The following GRID1 variants were observed in gnomAD, a reference collection of about 807,000 sequenced individuals.
GRID1 encodes glutamate ionotropic receptor delta type subunit 1.
Under a neutral mutation model 98.0 loss-of-function variants are expected in GRID1, and 28 were observed. The ratio of observed to expected loss-of-function variants is 0.29; its 90% confidence interval spans 0.21 to 0.39. The LOEUF (loss-of-function observed/expected upper bound fraction) is 0.39, where lower values mean the gene tolerates loss of function less well. GRID1 is among the 10% of genes least tolerant of loss of function. The pLI is 1.00. For synonymous variants in GRID1, 553 were observed against 538.5 expected (o/e 1.03, Z -0.37); for missense variants, 1,111 against 1,340.5 (o/e 0.83, Z 2.67).
At chr10:85,935,119 C>G (rs7924131) in intron 4 of GRID1, among the ~76,000 whole-genome samples, 63,009 of 152,032 alleles carry the variant, frequency 0.41, 13,163 homozygotes, top group South Asian at 0.45. Context: ...TCCCTGAATC[C>G]TTACAGTAGC....
chr10:86,187,158 CTT>C (rs1240472303), intron 3 of GRID1, among the ~76,000 whole-genome samples: 1 of 152,188 alleles, frequency 6.6e-6, no homozygotes, highest in East Asian at 1.9e-4. Flanking sequence ...GCTCAGACCT[CTT>C]TTGCCACTTG....
chr10:85,849,672 C>A (rs1843039768), intron 8 of GRID1, among the ~76,000 whole-genome samples: 1 of 152,144 alleles, frequency 6.6e-6, no homozygotes, highest in African/African-American at 2.4e-5. Context: ...AGCCCCCTCA[C>A]TCCCAGGAAA....
intron 5 of GRID1, among the ~76,000 whole-genome samples, chr10:85,905,896 A>G (rs1485096102): frequency 1.3e-5 from 2 of 152,150 alleles, no homozygotes; most frequent in Non-Finnish European, 2.9e-5. Context: ...CCTTGAACCT[A>G]ACAATATTGA....
intron 4 of GRID1, among the ~76,000 whole-genome samples, chr10:85,974,297 G>C (rs963026757): frequency 6.6e-6 from 1 of 151,986 alleles, no homozygotes; most frequent in Non-Finnish European, 1.5e-5. Flanking sequence ...GTTTTGTTTT[G>C]TTTTGTTTTG....
At chr10:85,860,655 G>C (rs950337009) in intron 6 of GRID1, among the ~76,000 whole-genome samples, 5 of 152,194 alleles carry the variant, frequency 3.3e-5, no homozygotes, top group African/African-American at 9.6e-5. Flanking sequence ...TAGGCAAGTG[G>C]TCTAATAGGA....
intron 8 of GRID1, among the ~76,000 whole-genome samples, chr10:85,828,375 G>C (rs1312953044): frequency 6.6e-6 from 1 of 150,522 alleles, no homozygotes; most frequent in African/African-American, 2.4e-5. Context: ...ATCATACCTA[G>C]AGAAATGAGA....
chr10:85,814,322 T>C (rs1437442725), intron 8 of GRID1, among the ~76,000 whole-genome samples: 1 of 151,906 alleles, frequency 6.6e-6, no homozygotes, highest in Non-Finnish European at 1.5e-5. Flanking sequence ...TAGAATTAAA[T>C]GCTATGTTAA....
At chr10:86,008,548 T>C (rs1044912638) in intron 4 of GRID1, among the ~76,000 whole-genome samples, 1 of 152,096 alleles carries the variant, frequency 6.6e-6, no homozygotes, top group Admixed American at 6.5e-5. Flanking sequence ...CTTCTATAAA[T>C]CAATAAGAAA....
At chr10:85,854,448 G>C (rs1380252947) in intron 8 of GRID1, 48 bp downstream of exon 8, 2 of 1,593,304 alleles carry the variant, frequency 1.3e-6, no homozygotes, top group Non-Finnish European at 1.7e-6. Context: ...TGCTGTCTTT[G>C]GTGGCACCAT....
chr10:86,229,080 G>C (rs1195523824), intron 2 of GRID1, among the ~76,000 whole-genome samples: 1 of 152,112 alleles, frequency 6.6e-6, no homozygotes, highest in East Asian at 1.9e-4. Flanking sequence ...GCTTGTAGCT[G>C]GGGGAGGGTC....
chr10:86,308,938 C>T (rs1454596874), intron 2 of GRID1, among the ~76,000 whole-genome samples: 1 of 152,204 alleles, frequency 6.6e-6, no homozygotes, highest in African/African-American at 2.4e-5. Context: ...AATGGTCTCA[C>T]TTCTTAACAC....
chr10:85,851,644 T>G (rs1212733645), intron 8 of GRID1, among the ~76,000 whole-genome samples: 1 of 152,094 alleles, frequency 6.6e-6, no homozygotes, highest in African/African-American at 2.4e-5. Context: ...TGAAAGAAAC[T>G]GTTTTGTCTG....
intron 8 of GRID1, among the ~76,000 whole-genome samples, chr10:85,832,594 A>G (rs1842876986): frequency 6.6e-6 from 1 of 152,178 alleles, no homozygotes; most frequent in Non-Finnish European, 1.5e-5. Flanking sequence ...ATGTACAACT[A>G]CAAACACTGG....
intron 13 of GRID1, among the ~76,000 whole-genome samples, chr10:85,641,357 C>G (rs1398623732): frequency 6.6e-6 from 1 of 152,184 alleles, no homozygotes; most frequent in Non-Finnish European, 1.5e-5. Flanking sequence ...GATAAAGTCA[C>G]AGACTTCAAT....
chr10:86,291,097 C>T (rs764276364), intron 2 of GRID1, among the ~76,000 whole-genome samples: 1 of 152,236 alleles, frequency 6.6e-6, no homozygotes, highest in Non-Finnish European at 1.5e-5. Context: ...CTGCTCCCAG[C>T]AGCTCTGAGC....
chr10:86,212,975 C>T (rs757803951), intron 2 of GRID1, among the ~76,000 whole-genome samples: 1 of 152,088 alleles, frequency 6.6e-6, no homozygotes, highest in African/African-American at 2.4e-5. Flanking sequence ...CTGGCTCTCC[C>T]GTCCCTCCTG....
intron 12 of GRID1, among the ~76,000 whole-genome samples, chr10:85,654,076 C>A (rs1840864116): frequency 6.6e-6 from 1 of 152,138 alleles, no homozygotes; most frequent in South Asian, 2.1e-4. Context: ...CTTAGTGACC[C>A]ACAGGGTGAG....
chr10:85,806,746 T>C (rs1842626278), intron 8 of GRID1, among the ~76,000 whole-genome samples: 1 of 152,176 alleles, frequency 6.6e-6, no homozygotes, highest in Admixed American at 6.5e-5. Flanking sequence ...ATAATATTTA[T>C]AGTGACAGAA....
intron 15 of GRID1, among the ~76,000 whole-genome samples, chr10:85,602,907 A>G (rs111818158): frequency 5.3e-5 from 8 of 152,178 alleles, no homozygotes; most frequent in African/African-American, 1.9e-4. Context: ...CATGATCCCT[A>G]TGTAGCAAAG....
Sources: allele counts gnomAD v4.1 joint callset (sites outside exome capture counted in the v4.1 genomes callset), GRCh38; gene constraint gnomAD v4.1.1; transcripts MANE v1.5; gene names NCBI Gene and HGNC (gene_info 2026-07-23, HGNC 2026-07-21).